Variants in ROBO2 observed in about 807,000 individuals in gnomAD.
The protein encoded by ROBO2 is roundabout homolog 2.
A neutral mutation model predicts 160.8 loss-of-function variants in ROBO2; 53 were observed. The observed-to-expected ratio is 0.33, with a 90% confidence interval of 0.26 to 0.41. ROBO2 has a LOEUF of 0.41. ROBO2 is among the 10% of genes least tolerant of loss of function. The pLI is 1.00. For missense variants in ROBO2, 1,577 were observed against 1,722.4 expected (o/e 0.92, Z 1.49); for synonymous variants, 664 against 611.7 (o/e 1.09, Z -1.26).
At chr3:76,120,065 C>T (rs2070682304) in intron 2 of ROBO2, among the ~76,000 whole-genome samples, 5 of 151,588 alleles carry the variant, frequency 3.3e-5, no homozygotes, top group South Asian at 4.2e-4. Context: ...GGTATGATCT[C>T]GGCTTACTGC....
intron 2 of ROBO2, among the ~76,000 whole-genome samples, chr3:76,661,962 G>A (rs1575790940): frequency 6.6e-6 from 1 of 152,158 alleles, no homozygotes; most frequent in East Asian, 1.9e-4. Flanking sequence ...GTCATGTGAT[G>A]CTATACTACA....
At chr3:77,205,273 A>G (rs1349594480) in intron 2 of ROBO2, among the ~76,000 whole-genome samples, 2 of 151,954 alleles carry the variant, frequency 1.3e-5, no homozygotes, top group African/African-American at 4.8e-5. Context: ...GGTAGCTCTC[A>G]GTGGGGAGCT....
rs543313806 is a variant in ROBO2 at position 76,581,258 on chromosome 3, T to C, written c.110-516756T>C. ...GAAAAAGCTTGTGATAGGTAGAGCT[T>C]AGCAAAGATTGTCTTACCCAGGATA... On this transcript the variant is annotated intron_variant, in intron 2 of 26. Transcript: ENST00000487694. 2.0e-5 allele frequency among the ~76,000 whole-genome samples: 3 copies of C among 152,238 alleles called. No homozygotes were observed. The South Asian group carries it at 6.2e-4, about 32-fold the overall frequency.
intron 2 of ROBO2, among the ~76,000 whole-genome samples, chr3:76,256,919 A>G (rs1290312780): frequency 6.6e-6 from 1 of 151,956 alleles, no homozygotes; most frequent in Non-Finnish European, 1.5e-5. Flanking sequence ...GAAGGGGAGC[A>G]AGAGAGAGAG....
chr3:76,076,378 G>C (rs1054365058), intron 2 of ROBO2, among the ~76,000 whole-genome samples: 2 of 152,086 alleles, frequency 1.3e-5, no homozygotes, highest in African/African-American at 4.8e-5. Context: ...TTCAGTGACC[G>C]ATGAAAGGCC....
At chr3:76,113,911 G>A (rs1312260097) in intron 2 of ROBO2, among the ~76,000 whole-genome samples, 1 of 152,050 alleles carries the variant, frequency 6.6e-6, no homozygotes, top group African/African-American at 2.4e-5. Flanking sequence ...GAAAAAGGCT[G>A]GCCCCTCTTC....
intron 2 of ROBO2, among the ~76,000 whole-genome samples, chr3:77,471,923 G>A (rs192257903): frequency 1.3e-4 from 20 of 152,172 alleles, no homozygotes; most frequent in South Asian, 4.1e-4. Flanking sequence ...TGCAGGATGC[G>A]CCAATTTCCC....
At chr3:76,942,186 A>G (rs964797857) in intron 2 of ROBO2, among the ~76,000 whole-genome samples, 1 of 152,186 alleles carries the variant, frequency 6.6e-6, no homozygotes, top group Non-Finnish European at 1.5e-5. Context: ...AGTAGTTTGT[A>G]CTTTAAACTT....
At chr3:77,421,523 C>G (rs532536793) in intron 2 of ROBO2, among the ~76,000 whole-genome samples, 1 of 152,024 alleles carries the variant, frequency 6.6e-6, no homozygotes, top group Admixed American at 6.6e-5. Flanking sequence ...TCATATAACG[C>G]CATAGAAATA....
At chr3:77,033,331 G>T (rs565083949) in intron 2 of ROBO2, among the ~76,000 whole-genome samples, 1 of 152,170 alleles carries the variant, frequency 6.6e-6, no homozygotes, top group African/African-American at 2.4e-5. Flanking sequence ...ACAAGTGAAT[G>T]GTTTACTTAA....
At chr3:77,515,712 C>T (rs1202199892) in intron 5 of ROBO2, among the ~76,000 whole-genome samples, 2 of 151,610 alleles carry the variant, frequency 1.3e-5, no homozygotes, top group African/African-American at 4.8e-5. Context: ...AATTGAATGC[C>T]TATATTGTCC....
intron 2 of ROBO2, among the ~76,000 whole-genome samples, chr3:76,325,166 T>G (rs575781465): frequency 2.0e-5 from 3 of 152,350 alleles, no homozygotes; most frequent in Non-Finnish European, 4.4e-5. Context: ...TAAAATATTT[T>G]TAAATGCAAC....
At chr3:77,166,997 T>C (rs1406150742) in intron 2 of ROBO2, among the ~76,000 whole-genome samples, 1 of 152,226 alleles carries the variant, frequency 6.6e-6, no homozygotes, top group Non-Finnish European at 1.5e-5. Flanking sequence ...TGCACTTACA[T>C]GGTTCAGCAT....
At chr3:77,179,820 T>C (rs1173334930) in intron 2 of ROBO2, among the ~76,000 whole-genome samples, 1 of 152,158 alleles carries the variant, frequency 6.6e-6, no homozygotes, top group Non-Finnish European at 1.5e-5. Flanking sequence ...TTTAAACAAC[T>C]GCTAGGGTGC....
At chr3:76,942,774 T>C (rs1192270804) in intron 2 of ROBO2, among the ~76,000 whole-genome samples, 3 of 152,214 alleles carry the variant, frequency 2.0e-5, no homozygotes, top group Non-Finnish European at 2.9e-5. Context: ...TTCAGTTCCC[T>C]TAACTGTAAA....
intron 2 of ROBO2, among the ~76,000 whole-genome samples, chr3:75,959,823 C>T (rs1948848228): frequency 6.6e-6 from 1 of 151,104 alleles, no homozygotes; most frequent in Non-Finnish European, 1.5e-5. Context: ...CATAAGCTAC[C>T]TATGGAGGAA....
At chr3:77,165,062 G>A (rs944452417) in intron 2 of ROBO2, among the ~76,000 whole-genome samples, 1 of 152,096 alleles carries the variant, frequency 6.6e-6, no homozygotes, top group Non-Finnish European at 1.5e-5. Flanking sequence ...TGGGAGGTGT[G>A]CCCAACGGCT....
rs370673135 is a variant in ROBO2 at position 76,925,807 on chromosome 3, G to C, written c.110-172207G>C. 3.1e-4 allele frequency among the ~76,000 whole-genome samples: 47 copies of C among 152,192 alleles called. 2 individuals carry two copies. Among genetic ancestry groups the C allele is most frequent in the Admixed American group, 1.6e-3 (25 of 15,284 alleles). Reference sequence around the variant, plus strand: ...ACAAGTTGTCATCTGATCATAGTAGGTTCATTCATTTATTCAGAAAATATT... The same window carrying C: ...ACAAGTTGTCATCTGATCATAGTAGCTTCATTCATTTATTCAGAAAATATT... On this transcript the variant is annotated intron_variant, in intron 2 of 26. Coordinates refer to the ROBO2 transcript ENST00000487694.
At chr3:77,381,291 G>T (rs544776915) in intron 2 of ROBO2, among the ~76,000 whole-genome samples, 1 of 152,100 alleles carries the variant, frequency 6.6e-6, no homozygotes, top group East Asian at 1.9e-4. Context: ...CCCCAGCCTG[G>T]GTGACAGAGG....
Sources: allele counts gnomAD v4.1 joint callset (sites outside exome capture counted in the v4.1 genomes callset), GRCh38; gene constraint gnomAD v4.1.1; transcripts MANE v1.5; gene names NCBI Gene and HGNC (gene_info 2026-07-23, HGNC 2026-07-21).